The following PDGFB variants were observed in gnomAD, a reference collection of about 807,000 sequenced individuals.
PDGFB encodes platelet derived growth factor subunit B.
A neutral mutation model predicts 29.0 loss-of-function variants in PDGFB; 6 were observed. That is an observed-to-expected ratio of 0.21 (90% CI 0.11 to 0.41). The LOEUF (loss-of-function observed/expected upper bound fraction) is 0.41. PDGFB is among the 10% of genes least tolerant of loss of function. The pLI is 1.00. For missense variants in PDGFB, 299 were observed against 341.8 expected (o/e 0.87, Z 0.99); for synonymous variants, 144 against 140.8 (o/e 1.02, Z -0.16).
Position 39,243,824 on chromosome 22 carries a change from G to A in PDGFB, c.63+77C>T. 1 of 1,205,146 alleles carries A rather than the reference G, an allele frequency of 8.3e-7. No individual in the cohort carries two copies. The highest frequency in any genetic ancestry group is 1.2e-6 in the Non-Finnish European group (1 of 841,654). The allele number at this position is 1,205,146 out of a possible 1,614,324, so 74.7% of individuals were successfully genotyped here. A position where few individuals can be genotyped will look rare whatever the true frequency, so the allele number is the denominator to read the frequency against. ...TGCAAGGGTCCAAAGTTCACTGCAGGGAGAGGAGGGGGCGGTCAGAAGGGG... is the reference window on the plus strand; with the variant it reads ...TGCAAGGGTCCAAAGTTCACTGCAGAGAGAGGAGGGGGCGGTCAGAAGGGG... On this transcript the variant is annotated intron_variant, in intron 1 of 6. Coordinates refer to ENST00000331163, the MANE Select transcript of PDGFB (RefSeq NM_002608.4). The surrounding 1 kb of genome is among the most constrained non-coding windows in gnomAD (Gnocchi z 6.4).
chr22:39,236,397 C>T (rs551155059), intron 1 of PDGFB, among the ~76,000 whole-genome samples: 37 of 152,296 alleles, frequency 2.4e-4, no homozygotes, highest in African/African-American at 5.3e-4. Context: ...GCTTAATAAA[C>T]GCGTGCAGAG....
At chr22:39,233,315 TG>T (rs1482735348) in intron 3 of PDGFB, 119 bp downstream of exon 3, 11 of 661,402 alleles carry the variant, frequency 1.7e-5, no homozygotes, top group African/African-American at 7.6e-5. Context: ...GTCCTGAATG[TG>T]GGGGGAACGG....
rs943406676 is a variant in PDGFB at position 39,244,145 on chromosome 22, C to G, written c.-182G>C. 2 of 302,314 alleles carry G rather than the reference C, an allele frequency of 6.6e-6. No homozygotes were observed. Among genetic ancestry groups the G allele is most frequent in the Non-Finnish European group, 1.2e-5 (2 of 164,702 alleles). The allele number at this position is 302,314 out of a possible 1,614,324, so 18.7% of individuals were successfully genotyped here. On this transcript the variant is annotated 5_prime_UTR_variant, in exon 1 of 7. Transcript: ENST00000331163. This position sits in a 1 kb window ranked among gnomAD's most constrained non-coding sequence, Gnocchi z 4.5. ...CCCCGGGCGCCGCCGCCCCCGGCCCCGGCTCCGTCGCTGGGGGGCAGGGGA... is the reference window on the plus strand; with the variant it reads ...CCCCGGGCGCCGCCGCCCCCGGCCCGGGCTCCGTCGCTGGGGGGCAGGGGA...
At chr22:39,238,263 C>A (rs952256334) in intron 1 of PDGFB, among the ~76,000 whole-genome samples, 1 of 152,120 alleles carries the variant, frequency 6.6e-6, no homozygotes, top group Non-Finnish European at 1.5e-5. Context: ...CTACCATTTT[C>A]CAGGTTCTGT....
intron 5 of PDGFB, among the ~76,000 whole-genome samples, chr22:39,229,194 A>T (rs1367175584): frequency 6.7e-6 from 1 of 149,880 alleles, no homozygotes; most frequent in African/African-American, 2.4e-5. Context: ...CGTATTAATC[A>T]TTTTTTTTTT....
chr22:39,243,854 C>T lies in PDGFB; in HGVS notation c.63+47G>A. 2 of 1,502,984 alleles carry T rather than the reference C, an allele frequency of 1.3e-6. No homozygotes were observed. Among genetic ancestry groups the T allele is most frequent in the South Asian group, 1.2e-5 (1 of 84,032 alleles). 93.1% of individuals were successfully genotyped at this position (1,502,984 alleles called of 1,614,324 possible). On this transcript the variant is annotated intron_variant, in intron 1 of 6. Coordinates refer to ENST00000331163, the MANE Select transcript of PDGFB (RefSeq NM_002608.4). This position sits in a 1 kb window ranked among gnomAD's most constrained non-coding sequence, Gnocchi z 6.4. ...GGAGGGGGCGGTCAGAAGGGGGGGG[C>T]GAAGGTAATGAATGAAGAACCAGCC...
intron 5 of PDGFB, among the ~76,000 whole-genome samples, chr22:39,227,811 G>A (rs1932203640): frequency 6.6e-6 from 1 of 152,114 alleles, no homozygotes; most frequent in Admixed American, 6.5e-5. Flanking sequence ...CAGCCTACCG[G>A]GATCTGACAC....
chr22:39,233,356 G>A lies in PDGFB; in HGVS notation c.250+79C>T, dbSNP rs527996886. On this transcript the variant is annotated intron_variant, in intron 3 of 6. Coordinates refer to ENST00000331163, the MANE Select transcript of PDGFB (RefSeq NM_002608.4). ...TGTAAGAGGACCCTCGGGGCCCTCCGACTGGCTGCCCGCCCCCGTTCTCTT... is the reference window on the plus strand; with the variant it reads ...TGTAAGAGGACCCTCGGGGCCCTCCAACTGGCTGCCCGCCCCCGTTCTCTT... 2.1e-5 allele frequency: 23 copies of A among 1,088,768 alleles called. No homozygotes were observed. In the African/African-American group the frequency reaches 2.3e-4, roughly 11 times the overall value. 67.4% of individuals were successfully genotyped at this position (1,088,768 alleles called of 1,614,324 possible).
chr22:39,233,353 T>C (rs952247832), intron 3 of PDGFB, 82 bp downstream of exon 3: 1 of 1,049,974 alleles, frequency 9.5e-7, no homozygotes, highest in Non-Finnish European at 1.4e-6. Context: ...CTCGGGGCCC[T>C]CCGACTGGCT....
intron 1 of PDGFB, chr22:39,240,794 T>C: frequency 6.3e-7 from 1 of 1,577,230 alleles, no homozygotes; most frequent in African/African-American, 1.4e-5. Context: ...ATAGGAAGAG[T>C]TGTCACAGAA....
intron 1 of PDGFB, among the ~76,000 whole-genome samples, chr22:39,239,679 C>A (rs1450161225): frequency 1.3e-5 from 2 of 152,196 alleles, no homozygotes; most frequent in African/African-American, 4.8e-5. Flanking sequence ...GAGGAGGCAG[C>A]TGGGGCAAAG....
Position 39,243,395 on chromosome 22 carries a change from C to T in PDGFB, c.63+506G>A, listed in dbSNP as rs1009876497. Among the ~76,000 whole-genome samples the T allele has an allele frequency of 6.6e-6, 1 of 152,046 alleles. No homozygotes were observed. Among genetic ancestry groups the T allele is most frequent in the African/African-American group, 2.4e-5 (1 of 41,374 alleles). ...CCCTGCGCGTGCCGGAGGGCGTCCA[C>T]CCGGACCCCGACCGGGAGCCAGGGT... On this transcript the variant is annotated intron_variant, in intron 1 of 6. Coordinates refer to ENST00000331163, the MANE Select transcript of PDGFB (RefSeq NM_002608.4). This position sits in a 1 kb window ranked among gnomAD's most constrained non-coding sequence, Gnocchi z 6.4.
intron 1 of PDGFB, among the ~76,000 whole-genome samples, chr22:39,240,104 C>G (rs1932532600): frequency 6.6e-6 from 1 of 152,234 alleles, no homozygotes; most frequent in African/African-American, 2.4e-5. Flanking sequence ...CTAGCATTCC[C>G]CTTCTTTATT....
At position 39,243,975 on chromosome 22, in the gene PDGFB, G is replaced by GCCCGGC. The variant is rs1932633181; in HGVS notation, c.-18_-13dup. The GCCCGGC allele has an allele frequency of 1.4e-6, 2 of 1,390,448 alleles. No homozygotes were observed. Among genetic ancestry groups the GCCCGGC allele is most frequent in the East Asian group, 8.4e-5 (2 of 23,798 alleles). 86.1% of individuals were successfully genotyped at this position (1,390,448 alleles called of 1,614,324 possible). A position where few individuals can be genotyped will look rare whatever the true frequency, so the allele number is the denominator to read the frequency against. The stretch of plus-strand genomic sequence containing the variant: ...CAGCAGCGATTCATGCCGACTCCGG[G>GCCCGGC]CCCGGCCCCGCGGGGCCCCGGACGC... On this transcript the variant is annotated 5_prime_UTR_variant, in exon 1 of 7. Coordinates refer to ENST00000331163, the MANE Select transcript of PDGFB (RefSeq NM_002608.4). This position sits in a 1 kb window ranked among gnomAD's most constrained non-coding sequence, Gnocchi z 6.4.
chr22:39,244,286 G>C lies in PDGFB; in HGVS notation c.-323C>G, dbSNP rs1663957087. 1 of 219,102 alleles carries C rather than the reference G, an allele frequency of 4.6e-6. No homozygotes were observed. The highest frequency in any genetic ancestry group is 2.3e-5 in the African/African-American group (1 of 43,876). 13.6% of individuals were successfully genotyped at this position (219,102 alleles called of 1,614,324 possible). On this transcript the variant is annotated 5_prime_UTR_variant, in exon 1 of 7. Coordinates refer to ENST00000331163, the MANE Select transcript of PDGFB (RefSeq NM_002608.4). The surrounding 1 kb of genome is among the most constrained non-coding windows in gnomAD (Gnocchi z 4.5). The stretch of plus-strand genomic sequence containing the variant: ...ACCAGCCGAGGCGTCTAGCCGTGTG[G>C]GGGCGCCCAGGGGACTCCAACCTCC...
At chr22:39,232,830 T>C (rs892300366) in intron 3 of PDGFB, among the ~76,000 whole-genome samples, 1 of 152,170 alleles carries the variant, frequency 6.6e-6, no homozygotes, top group Non-Finnish European at 1.5e-5. Flanking sequence ...AGCCTCTAAC[T>C]GCAGTGTTTT....
chr22:39,242,254 C>G lies in PDGFB; in HGVS notation c.63+1647G>C, dbSNP rs1932584888. On this transcript the variant is annotated intron_variant, in intron 1 of 6. Coordinates refer to ENST00000331163, the MANE Select transcript of PDGFB (RefSeq NM_002608.4). The surrounding 1 kb of genome is among the most constrained non-coding windows in gnomAD (Gnocchi z 5.7). ...CCCGTCGCTCTGCGCGCCCGCCCGC[C>G]GGAGCGCAGCATCGCCTCCGGCCAG... 3 of 187,206 alleles carry G rather than the reference C, an allele frequency of 1.6e-5. No individual in the cohort carries two copies. Among genetic ancestry groups the G allele is most frequent in the Non-Finnish European group, 3.3e-5 (3 of 89,832 alleles). The allele number at this position is 187,206 out of a possible 1,614,324, so 11.6% of individuals were successfully genotyped here. A position where few individuals can be genotyped will look rare whatever the true frequency, so the allele number is the denominator to read the frequency against.
chr22:39,237,720 C>T (rs1039928855), intron 1 of PDGFB, among the ~76,000 whole-genome samples: 1 of 152,260 alleles, frequency 6.6e-6, no homozygotes, highest in African/African-American at 2.4e-5. Flanking sequence ...TTCTGTCAAA[C>T]CCAGAACTGG....
chr22:39,239,684 G>A (rs909338841), intron 1 of PDGFB, among the ~76,000 whole-genome samples: 10 of 152,216 alleles, frequency 6.6e-5, no homozygotes, highest in African/African-American at 2.4e-4. Flanking sequence ...GGCAGCTGGG[G>A]CAAAGCCAGC....
Sources: allele counts gnomAD v4.1 joint callset (sites outside exome capture counted in the v4.1 genomes callset), GRCh38; gene constraint gnomAD v4.1.1; non-coding constraint Gnocchi (gnomAD v3.1); transcripts MANE v1.5; gene names NCBI Gene and HGNC (gene_info 2026-07-23, HGNC 2026-07-21).